Variants in GPR107 observed in about 807,000 individuals in gnomAD.
GPR107 encodes G protein-coupled receptor 107.
In GPR107, 31 loss-of-function variants were observed where a neutral mutation model predicts 75.5. That is an observed-to-expected ratio of 0.41 (90% confidence interval 0.31 to 0.55). The LOEUF (loss-of-function observed/expected upper bound fraction) is 0.55, where lower values mean the gene tolerates loss of function less well. GPR107 is among the 20% of genes least tolerant of loss of function. The pLI, the probability that GPR107 is intolerant of heterozygous loss-of-function variation, is 0.26. For synonymous variants in GPR107, 267 were observed against 251.3 expected, an observed-to-expected ratio of 1.06 and a Z score of -0.59; for missense variants, 572 against 665.7, an observed-to-expected ratio of 0.86 and a Z score of 1.55.
In GPR107 at chr9:130,086,343, T is replaced by C. The variant is rs1455048189; in HGVS notation, c.565-77T>C. 3 of 769,156 alleles carry C rather than the reference T, an allele frequency of 3.9e-6. No homozygotes were observed. In the East Asian group the frequency reaches 7.4e-5, roughly 19 times the overall value. The allele number at this position is 769,156 out of a possible 1,614,324, so 47.6% of individuals were successfully genotyped here. ...TTAGAGTTTAAGAAACATGTTTTGT[T>C]TTGTTTAATAAATTACTTTTAATTA... On this transcript the variant is annotated intron_variant, in intron 6 of 17. Coordinates refer to ENST00000347136, the MANE Select transcript of GPR107 (RefSeq NM_020960.5).
At chr9:130,054,119 T>TC (rs5900882) in intron 1 of GPR107, 46 bp downstream of exon 1, 1,486,009 of 1,487,204 alleles carry the variant, frequency 1, 742,412 homozygotes, top group East Asian at 1. Context: ...CCGAGGCCAC[T>TC]CCCCGGGTTT....
chr9:130,086,825 A>T (rs1474846055), intron 7 of GPR107, among the ~76,000 whole-genome samples: 1 of 152,088 alleles, frequency 6.6e-6, no homozygotes, highest in Non-Finnish European at 1.5e-5. Context: ...CCCATTCTGA[A>T]AGGACCATTG....
chr9:130,071,507 T>C (rs1415259372), intron 1 of GPR107, among the ~76,000 whole-genome samples: 6 of 152,074 alleles, frequency 3.9e-5, no homozygotes, highest in African/African-American at 9.7e-5. Flanking sequence ...TCATTTCTCC[T>C]CTGAACTGGT....
At chr9:130,084,928 G>A (rs1830581258) in intron 6 of GPR107, among the ~76,000 whole-genome samples, 1 of 152,198 alleles carries the variant, frequency 6.6e-6, no homozygotes, top group Admixed American at 6.5e-5. Flanking sequence ...TTTGTTCAGG[G>A]AAGAGAAAGA....
intron 9 of GPR107, 98 bp downstream of exon 9, chr9:130,092,479 T>C: frequency 9.3e-6 from 9 of 966,552 alleles, no homozygotes. Context: ...CACTTAGCAG[T>C]GTTGTTCCTT....
In GPR107 at chr9:130,103,617, C is replaced by T. The variant is rs1033748523; in HGVS notation, c.1132-803C>T. Among the ~76,000 whole-genome samples, 1 of 152,192 alleles carries T rather than the reference C, an allele frequency of 6.6e-6. No individual in the cohort carries two copies. Among genetic ancestry groups the T allele is most frequent in the Admixed American group, 6.5e-5 (1 of 15,280 alleles). On this transcript the variant is annotated intron_variant, in intron 12 of 17. Coordinates refer to ENST00000347136, the MANE Select transcript of GPR107 (RefSeq NM_020960.5). The surrounding 1 kb of genome is among the most constrained non-coding windows in gnomAD (Gnocchi z 4.3). ...CTGTAGGGCTGGAATCAGCCATGCT[C>T]ACCCTCTGGTCTCTGAAAACACAGT...
chr9:130,075,406 G>A (rs1046057200), intron 1 of GPR107, among the ~76,000 whole-genome samples: 5 of 151,730 alleles, frequency 3.3e-5, no homozygotes, highest in South Asian at 2.1e-4. Context: ...CACCATGCCC[G>A]GCTAACTTTT....
chr9:130,083,664 A>G, intron 6 of GPR107, 62 bp downstream of exon 6: 2 of 933,208 alleles, frequency 2.1e-6, no homozygotes, highest in Middle Eastern at 2.3e-4. Flanking sequence ...TGTGTGTGTT[A>G]TATGCATGTG....
rs185629053 is a variant in GPR107, at chr9:130,136,254, A to G, written c.*1133A>G. The G allele has an allele frequency of 2.0e-5, 3 of 152,268 alleles. No homozygotes were observed. The highest frequency in any genetic ancestry group is 4.4e-5 in the Non-Finnish European group (3 of 68,050). 9.4% of individuals were successfully genotyped at this position (152,268 alleles called of 1,614,324 possible). ...TGGCAAAATACTTCACAGAAACTCA[A>G]TGATTAAGTTCCCTTCCACACTTCC... is the stretch of plus-strand genomic sequence containing the variant. On this transcript the variant is annotated 3_prime_UTR_variant, in exon 18 of 18. Coordinates refer to ENST00000347136, the MANE Select transcript of GPR107 (RefSeq NM_020960.5).
At chr9:130,087,891 T>C (rs1042933534) in intron 7 of GPR107, among the ~76,000 whole-genome samples, 3 of 151,272 alleles carry the variant, frequency 2.0e-5, no homozygotes, top group Non-Finnish European at 4.4e-5. Context: ...CAAATGCATA[T>C]ATACCCATGT....
intron 12 of GPR107, 100 bp from the exon 13 acceptor site, chr9:130,104,320 C>T (rs917483374): frequency 3.9e-5 from 37 of 953,272 alleles, no homozygotes; most frequent in African/African-American, 4.8e-5. Flanking sequence ...GGTCGCAGAT[C>T]GTGGGTCTGG....
At chr9:130,115,133 T>TA (rs1327293571) in intron 14 of GPR107, among the ~76,000 whole-genome samples, 1 of 151,178 alleles carries the variant, frequency 6.6e-6, no homozygotes, top group East Asian at 1.9e-4. Context: ...TGGTGGTTTT[T>TA]ATCCCTTTGG....
chr9:130,080,971 A>T (rs1830482515), intron 5 of GPR107, among the ~76,000 whole-genome samples: 1 of 150,982 alleles, frequency 6.6e-6, no homozygotes, highest in Non-Finnish European at 1.5e-5. Flanking sequence ...GCACTTTGGG[A>T]GGCCAAAGTG....
intron 17 of GPR107, among the ~76,000 whole-genome samples, chr9:130,134,060 T>C (rs1474849696): frequency 6.6e-6 from 1 of 152,132 alleles, no homozygotes; most frequent in Admixed American, 6.5e-5. Flanking sequence ...AGTTGATTGA[T>C]TGAATTTATT....
chr9:130,131,662 C>T (rs1554899116), intron 17 of GPR107, among the ~76,000 whole-genome samples: 1 of 152,052 alleles, frequency 6.6e-6, no homozygotes, highest in South Asian at 2.1e-4. Flanking sequence ...ACACCAAGCT[C>T]GCCCCTCCCC....
chr9:130,085,754 A>ATTTTTTTTTTTTTTTT lies in GPR107; in HGVS notation c.565-664_565-649dup, dbSNP rs71387311. Reference sequence around the variant, plus strand: ...TTACTGTATAAATGGCAATATTTTGATTTTTTTTTTTTTTTTTGCCGGGGG... The same window carrying ATTTTTTTTTTTTTTTT: ...TTACTGTATAAATGGCAATATTTTGATTTTTTTTTTTTTTTTTTTTTTTTTTTTTTTTTGCCGGGGG... On this transcript the variant is annotated intron_variant, in intron 6 of 17. Transcript: ENST00000347136. Among the ~76,000 whole-genome samples the ATTTTTTTTTTTTTTTT allele has an allele frequency of 9.5e-3, 744 of 78,564 alleles. 180 individuals carry two copies. Among genetic ancestry groups the ATTTTTTTTTTTTTTTT allele is most frequent in the Non-Finnish European group, 0.012 (514 of 42,238 alleles). 51.5% of individuals were successfully genotyped at this position (78,564 alleles called of 152,430 possible).
intron 13 of GPR107, 23 bp from the exon 14 acceptor site, chr9:130,107,469 TTTTG>T (rs1226991943): frequency 6.8e-7 from 1 of 1,477,876 alleles, no homozygotes; most frequent in Non-Finnish European, 9.5e-7. Context: ...TCAGCTAACT[TTTTG>T]TTCTCTAAAT....
intron 15 of GPR107, among the ~76,000 whole-genome samples, chr9:130,126,772 A>AT (rs951790206): frequency 1.5e-4 from 22 of 150,352 alleles, no homozygotes; most frequent in African/African-American, 2.4e-4. Context: ...CTTGGGGTTG[A>AT]TTTTTTTTTT....
intron 14 of GPR107, among the ~76,000 whole-genome samples, chr9:130,107,918 C>G (rs765625510): frequency 2.6e-5 from 4 of 152,174 alleles, no homozygotes; most frequent in Non-Finnish European, 4.4e-5. Flanking sequence ...TGTAAAGCAG[C>G]CCTGCCTGCT....
Sources: allele counts gnomAD v4.1 joint callset (sites outside exome capture counted in the v4.1 genomes callset), GRCh38; gene constraint gnomAD v4.1.1; non-coding constraint Gnocchi (gnomAD v3.1); transcripts MANE v1.5; gene names NCBI Gene and HGNC (gene_info 2026-07-23, HGNC 2026-07-21).